UTS2: variants seen among roughly 807,000 people sequenced by gnomAD.
UTS2 encodes the protein urotensin 2, also known as urotensin-2.
Under a neutral mutation model 12.6 loss-of-function variants are expected in UTS2, and 10 were observed. That is an observed-to-expected ratio of 0.80 (90% CI 0.49 to 1.35). The LOEUF is 1.35. UTS2 is among the 40% of genes most tolerant of loss of function. UTS2 has a pLI of 0.00. For synonymous variants in UTS2, 52 were observed against 50.0 expected, an observed-to-expected ratio of 1.04 and a Z score of -0.17; for missense variants, 142 against 143.2, an observed-to-expected ratio of 0.99 and a Z score of 0.04.
chr1:7,853,108 C>G (rs1208702258), upstream of UTS2: 1 of 1,483,196 alleles, frequency 6.7e-7, no homozygotes, highest in African/African-American at 1.4e-5. Flanking sequence ...ATCCTATGAC[C>G]TGACATCATC....
At chr1:7,856,731 C>T (rs943521152), upstream of UTS2, among the ~76,000 whole-genome samples, 1 of 152,168 alleles carries the variant, frequency 6.6e-6, no homozygotes. Flanking sequence ...GGACAGAGGA[C>T]GGAACCTAAC....
the UTS2 span, among the ~76,000 whole-genome samples, chr1:7,882,421 A>G: frequency 6.6e-6 from 1 of 152,200 alleles, no homozygotes; most frequent in South Asian, 2.1e-4. Context: ...CCATATACAA[A>G]AATCAACTTA....
the UTS2 span, among the ~76,000 whole-genome samples, chr1:7,874,334 C>A: frequency 6.6e-6 from 1 of 152,158 alleles, no homozygotes; most frequent in Non-Finnish European, 1.5e-5. Flanking sequence ...CCTACACATC[C>A]TCTGAGACCT....
At chr1:7,906,414 GAAAAGAAAGAAA>G in the UTS2 span, among the ~76,000 whole-genome samples, 7 of 104,362 alleles carry the variant, frequency 6.7e-5, no homozygotes, top group Admixed American at 6.5e-4. Context: ...AAGAAAGAAA[GAAAAGAAAGAAA>G]GGAAGAAAGA....
At chr1:7,882,700 C>T in the UTS2 span, among the ~76,000 whole-genome samples, 4 of 152,234 alleles carry the variant, frequency 2.6e-5, 2 homozygotes, top group African/African-American at 9.6e-5. Flanking sequence ...ATACATGGAA[C>T]GCAAACAACT....
chr1:7,880,416 G>A, the UTS2 span, among the ~76,000 whole-genome samples: 5 of 150,438 alleles, frequency 3.3e-5, no homozygotes, highest in African/African-American at 1.2e-4. Context: ...CGGGGAGTGG[G>A]GTGGGGAGGG....
the UTS2 span, among the ~76,000 whole-genome samples, chr1:7,893,024 C>T: frequency 6.6e-6 from 1 of 152,154 alleles, no homozygotes; most frequent in Middle Eastern, 3.2e-3. Context: ...AGAGAAGAGG[C>T]TATGCTTTCT....
the UTS2 span, among the ~76,000 whole-genome samples, chr1:7,873,003 G>T: frequency 6.6e-6 from 1 of 152,100 alleles, no homozygotes; most frequent in Non-Finnish European, 1.5e-5. Context: ...AAATCCTAGG[G>T]CCCTTAAGAA....
upstream of UTS2, chr1:7,853,155 A>C: frequency 6.7e-7 from 1 of 1,481,680 alleles, no homozygotes; most frequent in Non-Finnish European, 9.0e-7. Context: ...TTTATTGGCT[A>C]TGGAGGCTAA....
At chr1:7,859,871 C>T in the UTS2 span, among the ~76,000 whole-genome samples, 1 of 152,108 alleles carries the variant, frequency 6.6e-6, no homozygotes, top group East Asian at 1.9e-4. Flanking sequence ...TGGTTGCATG[C>T]ACCTGTAGTC....
rs755666120 is a variant in UTS2, at chr1:7,853,019, G to A, written c.-16C>T. 9.4e-6 allele frequency: 15 copies of A among 1,599,070 alleles called. No homozygotes were observed. The highest frequency in any genetic ancestry group is 1.2e-5 in the Non-Finnish European group (14 of 1,175,874). On this transcript the variant is annotated 5_prime_UTR_variant, in exon 1 of 4. Coordinates refer to ENST00000361696, the MANE Select transcript of UTS2 (RefSeq NM_006786.4). ...GCTTATACATGATCGCCACAAGATA[G>A]ACGGCTTCCTTCTTGGCTTCTGTTG...
At chr1:7,879,348 T>C in the UTS2 span, among the ~76,000 whole-genome samples, 1 of 151,944 alleles carries the variant, frequency 6.6e-6, no homozygotes, top group African/African-American at 2.4e-5. Context: ...GAAATCAACA[T>C]CAAGAGAAAC....
the UTS2 span, among the ~76,000 whole-genome samples, chr1:7,895,224 C>T: frequency 5.0e-3 from 758 of 152,092 alleles, 8 homozygotes; most frequent in African/African-American, 0.018. Flanking sequence ...CAAAAATTAG[C>T]CAGGCATGGT....
the UTS2 span, among the ~76,000 whole-genome samples, chr1:7,870,399 G>A: frequency 2.6e-5 from 4 of 152,120 alleles, no homozygotes; most frequent in Non-Finnish European, 5.9e-5. Context: ...CTCCAGGACT[G>A]CAAAAAATTT....
chr1:7,912,850 C>A, the UTS2 span, among the ~76,000 whole-genome samples: 2 of 152,054 alleles, frequency 1.3e-5, no homozygotes, highest in Non-Finnish European at 2.9e-5. Flanking sequence ...CTGCAGTATT[C>A]CTGTCTCCAT....
At chr1:7,870,296 G>A in the UTS2 span, among the ~76,000 whole-genome samples, 2 of 152,178 alleles carry the variant, frequency 1.3e-5, no homozygotes, top group East Asian at 1.9e-4. Flanking sequence ...GACCGAGTGA[G>A]GACACAGGGA....
At chr1:7,876,283 C>T in the UTS2 span, among the ~76,000 whole-genome samples, 5 of 152,118 alleles carry the variant, frequency 3.3e-5, no homozygotes. Flanking sequence ...GATAGGAACA[C>T]CTTGCCAACT....
chr1:7,877,142 AG>A, the UTS2 span, among the ~76,000 whole-genome samples: 1,300 of 53,390 alleles, frequency 0.024, 52 homozygotes, highest in African/African-American at 0.085. Flanking sequence ...AAAAAAAAAA[AG>A]AAAAAAAAAA....
At chr1:7,853,903 T>C (rs1338905802), upstream of UTS2, among the ~76,000 whole-genome samples, 1 of 152,212 alleles carries the variant, frequency 6.6e-6, no homozygotes, top group Non-Finnish European at 1.5e-5. Flanking sequence ...GGTAGTTCTT[T>C]GCTCAAAACT....
Sources: gnomAD v4.1 joint callset for allele counts (sites outside exome capture counted in the v4.1 genomes callset) on GRCh38, gnomAD v4.1.1 for gene constraint, MANE v1.5 for transcripts, NCBI Gene and HGNC (gene_info 2026-07-23, HGNC 2026-07-21) for gene names.